SCFD1: variants seen among roughly 807,000 people sequenced by gnomAD.
SCFD1 encodes the protein sec1 family domain containing 1.
SCFD1 carries 37 observed loss-of-function variants against 103.2 expected under a neutral mutation model. That is an observed-to-expected ratio of 0.36 (90% CI 0.28 to 0.47). The LOEUF is 0.47. Among genes scored for constraint, SCFD1 ranks in the 20% least tolerant of loss-of-function variants. SCFD1 has a pLI of 1.00. For missense variants in SCFD1, 639 were observed against 761.2 expected, an observed-to-expected ratio of 0.84 and a Z score of 1.89; for synonymous variants, 264 against 245.0, an observed-to-expected ratio of 1.08 and a Z score of -0.73.
chr14:30,663,515 T>C (rs1159083543), intron 10 of SCFD1, among the ~76,000 whole-genome samples: 1 of 152,194 alleles, frequency 6.6e-6, no homozygotes, highest in African/African-American at 2.4e-5. Context: ...TTAAGTAAAG[T>C]CACTTTCTTG....
chr14:30,697,061 G>A (rs533035947), intron 15 of SCFD1, among the ~76,000 whole-genome samples: 1 of 151,660 alleles, frequency 6.6e-6, no homozygotes, highest in African/African-American at 2.4e-5. Flanking sequence ...AATATAGATT[G>A]TATGTTGGGG....
chr14:30,628,654 T>G (rs898321184), intron 2 of SCFD1, among the ~76,000 whole-genome samples: 3 of 152,206 alleles, frequency 2.0e-5, no homozygotes, highest in Non-Finnish European at 2.9e-5. Context: ...GAGAAAATGA[T>G]CTGTAAACTG....
chr14:30,735,499 T>A lies in SCFD1; in HGVS notation c.1906-87T>A, dbSNP rs557756800. 30 of 898,314 alleles carry A rather than the reference T, an allele frequency of 3.3e-5. No individual in the cohort carries two copies. In the African/African-American group the frequency reaches 4.4e-4, roughly 13 times the overall value. 55.6% of individuals were successfully genotyped at this position (898,314 alleles called of 1,614,324 possible). Reference sequence around the variant, plus strand: ...GCAGTGAATAAAATAGGAAGTGTAATTTATTAAGGGGTTTACAAATATGTT... The same window carrying A: ...GCAGTGAATAAAATAGGAAGTGTAAATTATTAAGGGGTTTACAAATATGTT... On this transcript the variant is annotated intron_variant, in intron 24 of 24. Coordinates refer to ENST00000458591, the MANE Select transcript of SCFD1 (RefSeq NM_016106.4).
chr14:30,646,284 G>A (rs1885820775), intron 7 of SCFD1, among the ~76,000 whole-genome samples: 1 of 151,614 alleles, frequency 6.6e-6, no homozygotes, highest in South Asian at 2.1e-4. Flanking sequence ...GCCTCCCAAA[G>A]TGCTGGAATT....
At chr14:30,636,433 T>C (rs2139029228) in intron 4 of SCFD1, among the ~76,000 whole-genome samples, 1 of 152,236 alleles carries the variant, frequency 6.6e-6, no homozygotes, top group East Asian at 1.9e-4. Context: ...TCCAACTTTA[T>C]TCTTTTGCAT....
At chr14:30,693,859 T>C (rs999944360) in intron 14 of SCFD1, among the ~76,000 whole-genome samples, 2 of 152,200 alleles carry the variant, frequency 1.3e-5, no homozygotes, top group Non-Finnish European at 2.9e-5. Flanking sequence ...CTCAATAGTA[T>C]CTGAATTATC....
chr14:30,644,048 T>C (rs1364261965), intron 7 of SCFD1: 3 of 448,730 alleles, frequency 6.7e-6, no homozygotes, highest in African/African-American at 2.0e-5. Context: ...ATTCTCATCT[T>C]TGTGTCTTTT....
At chr14:30,666,662 A>G (rs1825218912) in intron 10 of SCFD1, among the ~76,000 whole-genome samples, 1 of 152,176 alleles carries the variant, frequency 6.6e-6, no homozygotes, top group Admixed American at 6.5e-5. Context: ...TAGCAAGACT[A>G]ATAAAGAAGA....
chr14:30,637,372 T>A (rs1056470047), intron 4 of SCFD1, among the ~76,000 whole-genome samples: 9 of 152,078 alleles, frequency 5.9e-5, no homozygotes, highest in African/African-American at 2.2e-4. Flanking sequence ...TCAATCCTCA[T>A]ACATAAATAA....
rs766294760 is a variant in SCFD1, at chr14:30,622,369, G to A, written c.31G>A (p.Ala11Thr). 4.5e-6 allele frequency: 7 copies of A among 1,560,670 alleles called. No individual in the cohort carries two copies. The highest frequency in any genetic ancestry group is 1.2e-5 in the South Asian group (1 of 84,926). The change falls in exon 1 of 25, where the codon GCA becomes ACA. Residue 11 changes from alanine (A) to threonine (T), a missense_variant. Physicochemically the swap from Ala to Thr is moderately conservative, Grantham distance 58. Coordinates refer to ENST00000458591, the MANE Select transcript of SCFD1 (RefSeq NM_016106.4). MAAAAAATAA[A>T]AASIRERQTV... ...GGCGGCGGCGGCAGCGACAGCAGCA[G>A]CAGCAGCCAGTATTCGGGAAAGGCA...
intron 14 of SCFD1, among the ~76,000 whole-genome samples, chr14:30,682,741 A>C (rs114918324): frequency 6.6e-6 from 1 of 152,238 alleles, no homozygotes; most frequent in Admixed American, 6.5e-5. Context: ...GGAATTAAAC[A>C]TGTGAAGAAG....
chr14:30,711,204 C>CAACA (rs1891844932), intron 19 of SCFD1, among the ~76,000 whole-genome samples: 2 of 152,226 alleles, frequency 1.3e-5, no homozygotes, highest in East Asian at 3.9e-4. Context: ...AATGAATTAA[C>CAACA]AACACATAAA....
rs147693341 is a variant in SCFD1 at position 30,696,865 on chromosome 14, A to G, written c.1339+1996A>G. Among the ~76,000 whole-genome samples the G allele has an allele frequency of 9.2e-5, 14 of 152,338 alleles. 1 individual carries two copies. Among genetic ancestry groups the G allele is most frequent in the African/African-American group, 3.1e-4 (13 of 41,572 alleles). Reference sequence around the variant, plus strand: ...AGCAGAGATGGGATATTTGTTATATACAGGGGACTGGCTAAATAAATATAT... The same window carrying G: ...AGCAGAGATGGGATATTTGTTATATGCAGGGGACTGGCTAAATAAATATAT... On this transcript the variant is annotated intron_variant, in intron 15 of 24. Coordinates refer to ENST00000458591, the MANE Select transcript of SCFD1 (RefSeq NM_016106.4).
chr14:30,724,072 TAA>T (rs59654790), intron 23 of SCFD1, among the ~76,000 whole-genome samples: 10 of 91,356 alleles, frequency 1.1e-4, no homozygotes, highest in African/African-American at 4.0e-4. Context: ...ACCAGTATCT[TAA>T]AAAAAAAAAA....
chr14:30,708,116 G>T, intron 19 of SCFD1, 51 bp downstream of exon 19: 1 of 1,203,970 alleles, frequency 8.3e-7, no homozygotes, highest in South Asian at 1.2e-5. Context: ...CATAAATGTT[G>T]ACAGGCTAAC....
At chr14:30,726,445 A>T (rs896762868) in intron 23 of SCFD1, among the ~76,000 whole-genome samples, 2 of 152,200 alleles carry the variant, frequency 1.3e-5, no homozygotes, top group East Asian at 3.9e-4. Flanking sequence ...TATGAACCTC[A>T]CCAATGATAC....
intron 10 of SCFD1, among the ~76,000 whole-genome samples, chr14:30,663,570 T>G (rs998144174): frequency 1.3e-5 from 2 of 152,122 alleles, no homozygotes; most frequent in Admixed American, 6.6e-5. Flanking sequence ...AGTAATAGAG[T>G]GAAATATACT....
chr14:30,675,331 C>T (rs1888940513), intron 14 of SCFD1: 3 of 253,500 alleles, frequency 1.2e-5, no homozygotes, highest in African/African-American at 6.6e-5. Context: ...CTCAATATCA[C>T]TGCTGTACAT....
intron 10 of SCFD1, among the ~76,000 whole-genome samples, chr14:30,667,123 T>C (rs960993192): frequency 6.6e-6 from 1 of 152,160 alleles, no homozygotes; most frequent in African/African-American, 2.4e-5. Flanking sequence ...TTTAGACCAA[T>C]ATCCCTGATG....
Sources: allele counts gnomAD v4.1 joint callset (sites outside exome capture counted in the v4.1 genomes callset), GRCh38; gene constraint gnomAD v4.1.1; transcripts MANE v1.5; gene names NCBI Gene and HGNC (gene_info 2026-07-23, HGNC 2026-07-21).